Variants in RAB2A observed in about 807,000 individuals in gnomAD.
RAB2A encodes the protein RAB2A, member RAS oncogene family.
Under a neutral mutation model 32.5 loss-of-function variants are expected in RAB2A, and 7 were observed. The ratio of observed to expected loss-of-function variants is 0.22; its 90% confidence interval spans 0.12 to 0.40. The LOEUF (loss-of-function observed/expected upper bound fraction) is 0.40, where lower values mean the gene tolerates loss of function less well. Among genes scored for constraint, RAB2A ranks in the 10% least tolerant of loss-of-function variants. The pLI is 1.00. For missense variants in RAB2A, 108 were observed against 260.7 expected, an observed-to-expected ratio of 0.41 and a Z score of 4.03; for synonymous variants, 79 against 85.2, an observed-to-expected ratio of 0.93 and a Z score of 0.40.
intron 1 of RAB2A, among the ~76,000 whole-genome samples, chr8:60,546,134 T>G (rs714208): frequency 0.011 from 1,741 of 152,318 alleles, 40 homozygotes; most frequent in African/African-American, 0.039. Flanking sequence ...AAGGGAAAGA[T>G]CACATCCAGA....
intron 2 of RAB2A, among the ~76,000 whole-genome samples, chr8:60,565,762 G>A (rs1212337253): frequency 1.8e-5 from 2 of 113,954 alleles, no homozygotes; most frequent in African/African-American, 6.6e-5. Flanking sequence ...CCAGGTTGGA[G>A]TACAGTGGTG....
chr8:60,621,285 A>G lies in RAB2A; in HGVS notation c.*516A>G, dbSNP rs1258734265. 3 of 152,408 alleles carry G rather than the reference A, an allele frequency of 2.0e-5. No individual in the cohort carries two copies. Among genetic ancestry groups the G allele is most frequent in the Non-Finnish European group, 2.9e-5 (2 of 68,188 alleles). 9.4% of individuals were successfully genotyped at this position (152,408 alleles called of 1,614,324 possible). On this transcript the variant is annotated 3_prime_UTR_variant, in exon 8 of 8. Coordinates refer to ENST00000262646, the MANE Select transcript of RAB2A (RefSeq NM_002865.3). ...GTAATTTGCCAAGCTTGAATTCTTT[A>G]ATGCATTTGCATAAATTCTATACTG... is the stretch of plus-strand genomic sequence containing the variant.
chr8:60,547,874 G>T (rs1166778027), intron 1 of RAB2A, among the ~76,000 whole-genome samples: 2 of 122,096 alleles, frequency 1.6e-5, no homozygotes, highest in Non-Finnish European at 1.7e-5. Context: ...CTGGCCGGGC[G>T]GGGGGCTGAC....
At chr8:60,556,515 G>A (rs973979943) in intron 1 of RAB2A, among the ~76,000 whole-genome samples, 22 of 151,578 alleles carry the variant, frequency 1.5e-4, no homozygotes, top group Middle Eastern at 6.8e-3. Context: ...TTAAGAACAC[G>A]GAAACTAGGT....
intron 1 of RAB2A, among the ~76,000 whole-genome samples, chr8:60,528,356 T>C (rs1344525648): frequency 6.6e-6 from 1 of 152,240 alleles, no homozygotes; most frequent in Non-Finnish European, 1.5e-5. Context: ...TTATATCTTT[T>C]TTATCCTGCT....
chr8:60,598,888 C>A (rs1285225689), intron 6 of RAB2A, among the ~76,000 whole-genome samples: 1 of 125,774 alleles, frequency 8.0e-6, no homozygotes, highest in Non-Finnish European at 1.6e-5. Context: ...AATGTCTCTT[C>A]TCAACATTAA....
chr8:60,606,513 A>G, intron 6 of RAB2A, among the ~76,000 whole-genome samples: 1 of 152,216 alleles, frequency 6.6e-6, no homozygotes, highest in East Asian at 1.9e-4. Flanking sequence ...GGCACCCAAG[A>G]CAACACTTTG....
At chr8:60,592,772 G>C (rs1319104) in intron 6 of RAB2A, among the ~76,000 whole-genome samples, 1 of 151,894 alleles carries the variant, frequency 6.6e-6, no homozygotes, top group Non-Finnish European at 1.5e-5. Flanking sequence ...AGATGATTAC[G>C]TAGTTGATCC....
intron 1 of RAB2A, among the ~76,000 whole-genome samples, chr8:60,553,803 A>G (rs745553497): frequency 6.6e-6 from 1 of 152,206 alleles, no homozygotes; most frequent in African/African-American, 2.4e-5. Context: ...ATTGGCGTAT[A>G]TGATTGTGGG....
chr8:60,583,019 A>T (rs764054479), intron 3 of RAB2A, among the ~76,000 whole-genome samples: 2 of 149,526 alleles, frequency 1.3e-5, no homozygotes, highest in Non-Finnish European at 3.0e-5. Flanking sequence ...TGCCTAGCAC[A>T]CACTTAGTCA....
intron 1 of RAB2A, among the ~76,000 whole-genome samples, chr8:60,525,500 G>A (rs1034805804): frequency 2.4e-4 from 37 of 152,126 alleles, no homozygotes; most frequent in African/African-American, 8.0e-4. Context: ...ATCTAGGGGT[G>A]TCTGACTCCA....
chr8:60,597,987 G>A (rs988544332), intron 6 of RAB2A, among the ~76,000 whole-genome samples: 2 of 152,142 alleles, frequency 1.3e-5, no homozygotes, highest in Non-Finnish European at 1.5e-5. Flanking sequence ...CAGCCAGTAT[G>A]AAAAAGTTAA....
At chr8:60,582,253 A>G (rs1803772098) in intron 3 of RAB2A, among the ~76,000 whole-genome samples, 1 of 152,058 alleles carries the variant, frequency 6.6e-6, no homozygotes, top group Admixed American at 6.5e-5. Flanking sequence ...AGTTTAACCT[A>G]AGCTATGTAA....
chr8:60,559,376 AC>A (rs1807986179), intron 2 of RAB2A: 1 of 154,444 alleles, frequency 6.5e-6, no homozygotes, highest in Non-Finnish European at 1.4e-5. Flanking sequence ...GTAAATGTAA[AC>A]CATTCAAGTG....
chr8:60,523,262 A>G (rs1265820581), intron 1 of RAB2A, among the ~76,000 whole-genome samples: 1 of 151,128 alleles, frequency 6.6e-6, no homozygotes, highest in Non-Finnish European at 1.5e-5. Context: ...GATTCACGCC[A>G]TTCTCCTGCC....
chr8:60,570,591 T>G (rs889434929), intron 2 of RAB2A, among the ~76,000 whole-genome samples: 1 of 152,174 alleles, frequency 6.6e-6, no homozygotes, highest in Non-Finnish European at 1.5e-5. Context: ...TAGATGCATA[T>G]ATATGTAAAC....
chr8:60,559,877 A>G (rs759334022), intron 2 of RAB2A, among the ~76,000 whole-genome samples: 2 of 152,364 alleles, frequency 1.3e-5, no homozygotes, highest in Middle Eastern at 3.4e-3. Flanking sequence ...TTAAAATACC[A>G]AATCAGAGAT....
chr8:60,565,248 A>G (rs2130835047), intron 2 of RAB2A, among the ~76,000 whole-genome samples: 2 of 152,232 alleles, frequency 1.3e-5, no homozygotes, highest in Middle Eastern at 3.4e-3. Context: ...GCAAGATCCC[A>G]TCTCTACAAA....
chr8:60,523,832 A>G (rs1048746512), intron 1 of RAB2A, among the ~76,000 whole-genome samples: 1 of 151,860 alleles, frequency 6.6e-6, no homozygotes, highest in African/African-American at 2.4e-5. Context: ...CTGGGACTAC[A>G]GGCGCCCATG....
Sources: gnomAD v4.1 joint callset for allele counts (sites outside exome capture counted in the v4.1 genomes callset) on GRCh38, gnomAD v4.1.1 for gene constraint, MANE v1.5 for transcripts, NCBI Gene and HGNC (gene_info 2026-07-23, HGNC 2026-07-21) for gene names.